Variants in NGLY1 observed in about 807,000 individuals in gnomAD.
NGLY1 encodes the protein peptide-N(4)-(N-acetyl-beta-glucosaminyl)asparagine amidase.
A neutral mutation model predicts 84.6 loss-of-function variants in NGLY1; 68 were observed. The ratio of observed to expected loss-of-function variants is 0.80; its 90% confidence interval spans 0.66 to 0.98. The LOEUF (loss-of-function observed/expected upper bound fraction) is 0.98, where lower values mean the gene tolerates loss of function less well. Ranked by LOEUF, NGLY1 falls within the 50% of genes least tolerant of loss-of-function variation. The pLI, the probability that NGLY1 is intolerant of heterozygous loss-of-function variation, is 0.00. For missense variants in NGLY1, 779 were observed against 770.2 expected, an observed-to-expected ratio of 1.01 and a Z score of -0.14; for synonymous variants, 280 against 275.2, an observed-to-expected ratio of 1.02 and a Z score of -0.17.
At chr3:25,765,037 A>G (rs1287384146) in intron 2 of NGLY1, among the ~76,000 whole-genome samples, 2 of 152,256 alleles carry the variant, frequency 1.3e-5, no homozygotes, top group African/African-American at 2.4e-5. Context: ...AACAAATTCT[A>G]TAATGTAAAA....
At chr3:25,770,431 G>GA (rs1193342427) in intron 2 of NGLY1, among the ~76,000 whole-genome samples, 1 of 152,180 alleles carries the variant, frequency 6.6e-6, no homozygotes, top group Non-Finnish European at 1.5e-5. Flanking sequence ...TTACAGCCAT[G>GA]AGCCACTACT....
intron 8 of NGLY1, 133 bp from the exon 9 acceptor site, chr3:25,732,616 T>C (rs995835831): frequency 5.3e-6 from 3 of 567,250 alleles, no homozygotes; most frequent in Non-Finnish European, 8.9e-6. Context: ...TTTTCAAACA[T>C]ATATTATTCA....
intron 4 of NGLY1, among the ~76,000 whole-genome samples, chr3:25,742,347 AGTGT>A (rs1706190063): frequency 6.6e-6 from 1 of 152,230 alleles, no homozygotes; most frequent in Non-Finnish European, 1.5e-5. Context: ...TATAAATAAT[AGTGT>A]ATGTACAATC....
intron 4 of NGLY1, among the ~76,000 whole-genome samples, chr3:25,748,834 G>A (rs1165459107): frequency 6.6e-6 from 1 of 151,778 alleles, no homozygotes; most frequent in African/African-American, 2.4e-5. Flanking sequence ...ATATTCTGTG[G>A]GCTAAAGTTC....
At chr3:25,768,672 A>C (rs1204063270) in intron 2 of NGLY1, among the ~76,000 whole-genome samples, 1 of 150,206 alleles carries the variant, frequency 6.7e-6, no homozygotes, top group Admixed American at 6.7e-5. Context: ...CAGCCTCCCA[A>C]GTAGCTGGGA....
chr3:25,763,559 G>A (rs947631216), intron 3 of NGLY1, among the ~76,000 whole-genome samples: 13 of 152,270 alleles, frequency 8.5e-5, no homozygotes, highest in Middle Eastern at 3.4e-3. Flanking sequence ...TTTTCTGACA[G>A]TAAAAACTTA....
intron 1 of NGLY1, among the ~76,000 whole-genome samples, chr3:25,782,109 T>G (rs111288546): frequency 6.6e-6 from 1 of 152,152 alleles, no homozygotes; most frequent in Non-Finnish European, 1.5e-5. Flanking sequence ...GCATCTTTCA[T>G]AGCATCTGCC....
chr3:25,745,628 CCAA>C (rs934435372), intron 4 of NGLY1, among the ~76,000 whole-genome samples: 1 of 152,074 alleles, frequency 6.6e-6, no homozygotes, highest in Non-Finnish European at 1.5e-5. Flanking sequence ...TTCTATAACC[CCAA>C]CAACTTTCAC....
At chr3:25,728,573 A>G (rs1705378090) in intron 10 of NGLY1, among the ~76,000 whole-genome samples, 1 of 152,172 alleles carries the variant, frequency 6.6e-6, no homozygotes, top group South Asian at 2.1e-4. Context: ...GCAACTTGGT[A>G]TAAATGAACT....
chr3:25,740,349 T>C (rs1240980949), intron 4 of NGLY1, among the ~76,000 whole-genome samples: 2 of 152,080 alleles, frequency 1.3e-5, no homozygotes, highest in Non-Finnish European at 2.9e-5. Context: ...CAACCATATC[T>C]CTAGTATATA....
upstream of NGLY1, among the ~76,000 whole-genome samples, chr3:25,786,896 A>C (rs771784236): frequency 3.9e-5 from 6 of 152,246 alleles, no homozygotes; most frequent in Non-Finnish European, 8.8e-5. Context: ...TATTCATTCC[A>C]TAATTCATTC....
rs2125292372 is a variant in NGLY1 at position 25,765,396 on chromosome 3, G to C, written c.247-1085C>G. On this transcript the variant is annotated intron_variant, in intron 2 of 11. Coordinates refer to ENST00000280700, the MANE Select transcript of NGLY1 (RefSeq NM_018297.4). ...AATTGCTTGAACCTGGGAGGCAGAG[G>C]TGAGCTGAGATCGTGCCACTGCACT... Among the ~76,000 whole-genome samples, 2 of 151,166 alleles carry C rather than the reference G, an allele frequency of 1.3e-5. 1 individual carries two copies. Among genetic ancestry groups the C allele is most frequent in the South Asian group, 4.2e-4 (2 of 4,764 alleles).
At chr3:25,748,259 C>T (rs1214382096) in intron 4 of NGLY1, among the ~76,000 whole-genome samples, 1 of 152,094 alleles carries the variant, frequency 6.6e-6, no homozygotes, top group Non-Finnish European at 1.5e-5. Flanking sequence ...TGATACCTTA[C>T]CATCACACCA....
At chr3:25,730,088 G>T (rs1488989) in intron 9 of NGLY1, 99,977 of 151,886 alleles carry the variant, frequency 0.66, 38,798 homozygotes, top group East Asian at 0.94. Context: ...ACAGTCTTCT[G>T]CATGTGTAAA....
chr3:25,731,642 T>C (rs1559532429), intron 9 of NGLY1, among the ~76,000 whole-genome samples: 1 of 152,116 alleles, frequency 6.6e-6, no homozygotes, highest in Non-Finnish European at 1.5e-5. Context: ...AACGTGAATA[T>C]AAATGTTCAG....
At position 25,761,262 on chromosome 3, in the gene NGLY1, C is replaced by G. The variant is rs560211218; in HGVS notation, c.492+2804G>C. 1.9e-3 allele frequency among the ~76,000 whole-genome samples: 292 copies of G among 152,228 alleles called. 3 individuals are homozygous for G. The highest frequency in any genetic ancestry group is 6.7e-3 in the African/African-American group (277 of 41,530). Reference sequence around the variant, plus strand: ...TGTATATTTTAAGCATATTATACTTCAGAATCACATTTTCAACCGAGATAA... The same window carrying G: ...TGTATATTTTAAGCATATTATACTTGAGAATCACATTTTCAACCGAGATAA... On this transcript the variant is annotated intron_variant, in intron 3 of 11. Transcript: ENST00000280700.
intron 2 of NGLY1, among the ~76,000 whole-genome samples, chr3:25,768,723 T>C (rs1038383211): frequency 6.6e-6 from 1 of 151,756 alleles, no homozygotes; most frequent in African/African-American, 2.4e-5. Context: ...TTTTTTGTAT[T>C]TTTAGTAGAG....
intron 10 of NGLY1, among the ~76,000 whole-genome samples, chr3:25,721,010 AC>A (rs1485875129): frequency 1.3e-5 from 2 of 152,202 alleles, no homozygotes; most frequent in African/African-American, 4.8e-5. Flanking sequence ...TGCACTTACT[AC>A]TACAGTTTGA....
intron 2 of NGLY1, among the ~76,000 whole-genome samples, chr3:25,775,799 C>A (rs1464780295): frequency 6.6e-6 from 1 of 152,096 alleles, no homozygotes; most frequent in Non-Finnish European, 1.5e-5. Context: ...ACGGTGACTA[C>A]GGTTAAAAAC....
Sources: gnomAD v4.1 joint callset for allele counts (sites outside exome capture counted in the v4.1 genomes callset) on GRCh38, gnomAD v4.1.1 for gene constraint, MANE v1.5 for transcripts, NCBI Gene and HGNC (gene_info 2026-07-23, HGNC 2026-07-21) for gene names.